Variants in UVSSA observed in about 807,000 individuals in gnomAD.
UVSSA encodes UV-stimulated scaffold protein A.
In UVSSA, 72 loss-of-function variants were observed where a neutral mutation model predicts 73.9. The observed-to-expected ratio is 0.97, with a 90% CI of 0.81 to 1.19. UVSSA has a LOEUF of 1.19. Ranked by LOEUF, UVSSA falls within the 50% of genes most tolerant of loss-of-function variation. The pLI, the probability that UVSSA is intolerant of heterozygous loss-of-function variation, is 0.00. For missense variants in UVSSA, 1,150 were observed against 965.0 expected (o/e 1.19, Z -2.54); for synonymous variants, 454 against 391.3 (o/e 1.16, Z -1.89).
At chr4:1,359,617 G>A (rs933760743) in intron 7 of UVSSA, among the ~76,000 whole-genome samples, 6 of 152,248 alleles carry the variant, frequency 3.9e-5, no homozygotes, top group Admixed American at 2.6e-4. Flanking sequence ...TGAAAGATAC[G>A]GGTTTGTTTT....
At chr4:1,349,476 C>T in intron 2 of UVSSA, 48 bp from the exon 3 acceptor site, 1 of 1,576,088 alleles carries the variant, frequency 6.3e-7, no homozygotes, top group Non-Finnish European at 8.7e-7. Flanking sequence ...TCCCCCCGCC[C>T]ATCCTCTGCG....
At chr4:1,366,277 A>G (rs756816900) in intron 7 of UVSSA, 43 bp from the exon 8 acceptor site, 2 of 1,503,966 alleles carry the variant, frequency 1.3e-6, no homozygotes, top group South Asian at 2.4e-5. Context: ...GTGTTCATAC[A>G]CAGGGTCTGG....
intron 7 of UVSSA, among the ~76,000 whole-genome samples, chr4:1,362,174 G>A (rs1434977342): frequency 1.3e-5 from 2 of 152,168 alleles, no homozygotes; most frequent in Non-Finnish European, 2.9e-5. Context: ...ATCCTTTTAA[G>A]TGTGGGTGAG....
At chr4:1,345,639 T>C (rs1326395432), upstream of UVSSA, among the ~76,000 whole-genome samples, 6 of 95,374 alleles carry the variant, frequency 6.3e-5, no homozygotes, top group African/African-American at 3.2e-4. Flanking sequence ...AGCGAGACTT[T>C]GTCTCAAAAA....
chr4:1,346,308 T>C (rs1713674951), upstream of UVSSA, among the ~76,000 whole-genome samples: 1 of 151,630 alleles, frequency 6.6e-6, no homozygotes, highest in Non-Finnish European at 1.5e-5. Context: ...GCCCCCGCCC[T>C]GCACCCAGCC....
Position 1,353,384 on chromosome 4 carries a change from A to G in UVSSA, c.905A>G (p.Lys302Arg), listed in dbSNP as rs778804926. 14 of 1,592,096 alleles carry G rather than the reference A, an allele frequency of 8.8e-6. No homozygotes were observed. Among genetic ancestry groups the G allele is most frequent in the Admixed American group, 8.7e-5 (5 of 57,270 alleles). ...FVRSHGLGSHKYTLDVELCSE... is the reference protein window; with the variant it reads ...FVRSHGLGSHRYTLDVELCSE... ...CGGAGCCACGGGCTGGGCTCGCACA[A>G]GTACACGCTGGATGTGGAGCTCTGC... The change falls in exon 5 of 14, where the codon AAG becomes AGG. Residue 302 changes from lysine (K) to arginine (R), a missense_variant. Transcript: ENST00000389851.
intron 7 of UVSSA, 112 bp from the exon 8 acceptor site, chr4:1,366,208 A>G: frequency 1.2e-6 from 1 of 829,606 alleles, no homozygotes; most frequent in East Asian, 2.5e-5. Flanking sequence ...TGGAGCCCTA[A>G]GCAGGGGAAA....
In UVSSA at chr4:1,355,149, T is replaced by C; in HGVS notation, c.1080T>C (p.Cys360=). 1 of 1,613,756 alleles carries C rather than the reference T, an allele frequency of 6.2e-7. No homozygotes were observed. Among genetic ancestry groups the C allele is most frequent in the Non-Finnish European group, 8.5e-7 (1 of 1,179,888 alleles). The change falls in exon 7 of 14, where the codon TGT becomes TGC. Residue 360 remains cysteine (C), a synonymous_variant. Transcript: ENST00000389851. ...RFTRVGTHGG[C]LKRAIDLKAE... is the part of the protein sequence containing the mutation. ...CCCGCGTCGGGACCCACGGTGGATG[T>C]TTAAAGCGTGCCATTGACCTGAAGG...
At position 1,376,097 on chromosome 4, in the gene UVSSA, G is replaced by A. The variant is rs11724369; in HGVS notation, c.1497G>A (p.Ala499=). The change falls in exon 10 of 14, where the codon GCG becomes GCA. Residue 499 remains alanine, a synonymous_variant. Transcript: ENST00000389851. ...AQKLAAERAR[A]PVVPYGVDLH... ...AGCTGGCAGCAGAGCGGGCCCGGGC[G>A]CCTGTGGTGCCCTACGGCGTGGACC... 0.36 allele frequency: 579,963 copies of A among 1,602,512 alleles called. 112,141 individuals carry two copies. Among genetic ancestry groups the A allele is most frequent in the Non-Finnish European group, 0.4 (471,529 of 1,174,884 alleles).
At chr4:1,345,119 G>A (rs190784434), upstream of UVSSA, among the ~76,000 whole-genome samples, 131 of 152,268 alleles carry the variant, frequency 8.6e-4, 1 homozygote, top group Middle Eastern at 0.01. Context: ...CTGCATGATG[G>A]TCTAGGGGTA....
rs1347099126 is a variant in UVSSA at position 1,367,027 on chromosome 4, C to T, written c.1288+596C>T. Among the ~76,000 whole-genome samples, 3 of 152,342 alleles carry T rather than the reference C, an allele frequency of 2.0e-5. No individual in the cohort carries two copies. The East Asian group carries it at 5.8e-4, about 29-fold the overall frequency. On this transcript the variant is annotated intron_variant, in intron 8 of 13. Transcript: ENST00000389851. ...CCCCGCGCCTTCCAGGCTCCCATCC[C>T]CGCTTACGGGGGTCACAAGCACAGG...
intron 6 of UVSSA, 63 bp from the exon 7 acceptor site, chr4:1,355,054 G>A (rs866828812): frequency 5.0e-6 from 8 of 1,593,550 alleles, no homozygotes; most frequent in Middle Eastern, 1.7e-4. Context: ...GTGCCTCCCA[G>A]CAGGACAGCT....
At chr4:1,368,970 G>A (rs1717685028) in intron 8 of UVSSA, among the ~76,000 whole-genome samples, 4 of 152,168 alleles carry the variant, frequency 2.6e-5, no homozygotes, top group Non-Finnish European at 5.9e-5. Flanking sequence ...CTGCCCCGGT[G>A]GAGGGGAGGG....
At chr4:1,373,136 G>A (rs995164787) in intron 8 of UVSSA, among the ~76,000 whole-genome samples, 1 of 152,170 alleles carries the variant, frequency 6.6e-6, no homozygotes, top group African/African-American at 2.4e-5. Context: ...CTAAGATCTT[G>A]CATTCACGGT....
At chr4:1,372,553 C>T (rs188177132) in intron 8 of UVSSA, among the ~76,000 whole-genome samples, 3 of 152,326 alleles carry the variant, frequency 2.0e-5, no homozygotes, top group African/African-American at 2.4e-5. Context: ...GTGTGGCCTC[C>T]TTCCACCCCA....
chr4:1,373,402 A>G (rs1259282261), intron 8 of UVSSA, among the ~76,000 whole-genome samples: 1 of 152,112 alleles, frequency 6.6e-6, no homozygotes, highest in Admixed American at 6.5e-5. Context: ...AGCTGACTAG[A>G]TGGTGCCCAC....
chr4:1,373,149 C>G (rs1327581265), intron 8 of UVSSA, among the ~76,000 whole-genome samples: 1 of 152,194 alleles, frequency 6.6e-6, no homozygotes, highest in Non-Finnish European at 1.5e-5. Context: ...TTCACGGTTG[C>G]TATTGAAAAT....
At chr4:1,349,998 C>G in intron 3 of UVSSA, 144 bp downstream of exon 3, 1 of 776,170 alleles carries the variant, frequency 1.3e-6, no homozygotes, top group Non-Finnish European at 2.0e-6. Context: ...GCTGCCAGAC[C>G]ATCTGTGGGG....
At chr4:1,348,245 C>A in intron 2 of UVSSA, 56 bp downstream of exon 2, 1 of 1,393,740 alleles carries the variant, frequency 7.2e-7, no homozygotes, top group Non-Finnish European at 1.0e-6. Flanking sequence ...CCAGGACACA[C>A]ACAGGGCCCT....
Sources: gnomAD v4.1 joint callset for allele counts (sites outside exome capture counted in the v4.1 genomes callset) on GRCh38, gnomAD v4.1.1 for gene constraint, MANE v1.5 for transcripts, NCBI Gene and HGNC (gene_info 2026-07-23, HGNC 2026-07-21) for gene names.